The following WDR48 variants were observed in gnomAD, a reference collection of about 807,000 sequenced individuals.
The protein encoded by WDR48 is WD repeat domain 48.
In WDR48, 22 loss-of-function variants were observed where a neutral mutation model predicts 94.0. The observed-to-expected ratio is 0.23, with a 90% CI of 0.17 to 0.33. The LOEUF is 0.33. WDR48 is among the 10% of genes least tolerant of loss of function. WDR48 has a pLI of 1.00. For missense variants in WDR48, 541 were observed against 813.8 expected (o/e 0.66, Z 4.08); for synonymous variants, 278 against 280.5 (o/e 0.99, Z 0.09).
intron 1 of WDR48, among the ~76,000 whole-genome samples, chr3:39,056,328 T>C (rs1042526382): frequency 1.3e-5 from 2 of 152,218 alleles, no homozygotes; most frequent in Non-Finnish European, 2.9e-5. Flanking sequence ...AGGGATCAGT[T>C]TGAAAGTTCC....
chr3:39,069,680 T>C lies in WDR48; in HGVS notation c.608T>C (p.Leu203Pro). 6.2e-7 allele frequency: 1 copy of C among 1,613,802 alleles called. No individual in the cohort carries two copies. The highest frequency in any genetic ancestry group is 8.5e-7 in the Non-Finnish European group (1 of 1,179,786). Residue 203 changes from leucine to proline, a missense_variant, in exon 7 of 19, where the codon CTA (leucine) becomes CCA (proline). Physicochemically the swap from Leu to Pro is moderately conservative, Grantham distance 98. Transcript: ENST00000302313. ...TGGGATCCAAGAACATGTGCAAAAC[T>C]AATGAAGCTTAAAGGGCACACGGAT... ...RVWDPRTCAK[L>P]MKLKGHTDNV...
chr3:39,052,076 A>T lies in WDR48; in HGVS notation c.48+3A>T. 6.2e-7 allele frequency: 1 copy of T among 1,613,602 alleles called. No individual in the cohort carries two copies. Among genetic ancestry groups the T allele is most frequent in the Non-Finnish European group, 8.5e-7 (1 of 1,179,826 alleles). ...CAGCAGGGCGGAGGAAAGTGCAGGTATGGAAGCCCGGTTCCTCGGTCTTCC... is the reference window on the plus strand; with the variant it reads ...CAGCAGGGCGGAGGAAAGTGCAGGTTTGGAAGCCCGGTTCCTCGGTCTTCC... On this transcript the variant is annotated splice_donor_region_variant and intron_variant, in intron 1 of 18. Coordinates refer to ENST00000302313, the MANE Select transcript of WDR48 (RefSeq NM_020839.4).
At chr3:39,056,367 G>C (rs2032888565) in intron 1 of WDR48, among the ~76,000 whole-genome samples, 1 of 152,202 alleles carries the variant, frequency 6.6e-6, no homozygotes, top group Non-Finnish European at 1.5e-5. Context: ...GTTCAAGAAA[G>C]AGCAAAGAAA....
In WDR48 at chr3:39,095,130, CCACA is replaced by C. The variant is rs1279652715; in HGVS notation, c.*391_*394del. The stretch of plus-strand genomic sequence containing the variant: ...AACTGTCTCTGTTTCAACTTTAAGC[CCACA>C]CACTCTGTAGCTTTTCTAAAACAGT... On this transcript the variant is annotated 3_prime_UTR_variant, in exon 19 of 19. Transcript: ENST00000302313. 4.7e-6 allele frequency: 1 copy of C among 211,964 alleles called. No individual in the cohort carries two copies. The highest frequency in any genetic ancestry group is 2.3e-5 in the African/African-American group (1 of 43,646). The allele number at this position is 211,964 out of a possible 1,614,324, so 13.1% of individuals were successfully genotyped here.
chr3:39,067,283 T>G (rs956647676), intron 5 of WDR48, among the ~76,000 whole-genome samples: 3 of 152,148 alleles, frequency 2.0e-5, no homozygotes, highest in African/African-American at 7.2e-5. Flanking sequence ...CTTTTTAAAG[T>G]GTTAAGAGCT....
chr3:39,091,763 A>G (rs1339391404), intron 17 of WDR48, 62 bp downstream of exon 17: 1 of 1,352,154 alleles, frequency 7.4e-7, no homozygotes, highest in African/African-American at 1.5e-5. Context: ...TTTCCTTATG[A>G]TTGCTTTTAT....
Position 39,069,645 on chromosome 3 carries a change from G to A in WDR48, c.573G>A (p.Val191=), listed in dbSNP as rs1361385346. The A allele has an allele frequency of 1.9e-6, 3 of 1,611,508 alleles. No homozygotes were observed. Among genetic ancestry groups the A allele is most frequent in the Non-Finnish European group, 2.5e-6 (3 of 1,178,460 alleles). Residue 191 remains valine, a splice_region_variant and synonymous_variant, in exon 7 of 19, where the codon GTG becomes GTA. Transcript: ENST00000302313. ...TIIVSGSTEK[V]LRVWDPRTCA... is the part of the protein sequence containing the mutation. Reference sequence around the variant, plus strand: ...TAATACTCTATTAAAATTCACAGGTGTTACGGGTATGGGATCCAAGAACAT... The same window carrying A: ...TAATACTCTATTAAAATTCACAGGTATTACGGGTATGGGATCCAAGAACAT...
At position 39,095,208 on chromosome 3, in the gene WDR48, A is replaced by G. The variant is rs1167490519; in HGVS notation, c.*465A>G. The G allele has an allele frequency of 3.1e-5, 5 of 159,742 alleles. No individual in the cohort carries two copies. Among genetic ancestry groups the G allele is most frequent in the Non-Finnish European group, 6.9e-5 (5 of 72,542 alleles). The allele number at this position is 159,742 out of a possible 1,614,324, so 9.9% of individuals were successfully genotyped here. ...TGAAGGCTTTTTCCAAGTTTGTCAT[A>G]TAAAGTAATCAAATTGTTTTCACCG... On this transcript the variant is annotated 3_prime_UTR_variant, in exon 19 of 19. Coordinates refer to ENST00000302313, the MANE Select transcript of WDR48 (RefSeq NM_020839.4).
chr3:39,091,601 C>A, intron 16 of WDR48, 24 bp from the exon 17 acceptor site: 1 of 1,563,728 alleles, frequency 6.4e-7, no homozygotes, highest in South Asian at 1.2e-5. Context: ...AACTGTTATA[C>A]CTTTTTAACT....
chr3:39,057,765 G>GGT (rs879517876), intron 1 of WDR48, among the ~76,000 whole-genome samples: 14 of 152,108 alleles, frequency 9.2e-5, no homozygotes, highest in Admixed American at 9.2e-4. Context: ...TGGGACTACA[G>GGT]GTGCGCACCA....
At chr3:39,071,047 G>T (rs2033907623) in intron 7 of WDR48, among the ~76,000 whole-genome samples, 1 of 152,114 alleles carries the variant, frequency 6.6e-6, no homozygotes, top group African/African-American at 2.4e-5. Context: ...ATTCCATGGT[G>T]TATATGTGCC....
rs1306603249 is a variant in WDR48 at position 39,079,777 on chromosome 3, A to G, written c.1142A>G (p.Asn381Ser). ...AGACATATATTAACCAAAGATACCA[A>G]TAATAATGTGGCATATTGGGATGTA... is the stretch of plus-strand genomic sequence containing the variant. ...DKRHILTKDTNNNVAYWDVLK... is the reference protein window; with the variant it reads ...DKRHILTKDTSNNVAYWDVLK... The change falls in exon 11 of 19, where the codon AAT becomes AGT. Residue 381 changes from asparagine to serine, a missense_variant. Around this residue, in one of 5 missense-constraint regions of WDR48, gnomAD observed 238 missense variants for 285.3 expected, o/e 0.83. Coordinates refer to ENST00000302313, the MANE Select transcript of WDR48 (RefSeq NM_020839.4). The G allele has an allele frequency of 1.3e-6, 2 of 1,556,594 alleles. No individual in the cohort carries two copies. The highest frequency in any genetic ancestry group is 1.7e-6 in the Non-Finnish European group (2 of 1,158,758).
intron 2 of WDR48, among the ~76,000 whole-genome samples, chr3:39,063,900 G>C (rs114747079): frequency 6.6e-6 from 1 of 152,174 alleles, no homozygotes; most frequent in Non-Finnish European, 1.5e-5. Context: ...TGAGTGAGCC[G>C]TGATCACACC....
chr3:39,090,024 C>T (rs953123584), intron 16 of WDR48: 3 of 152,150 alleles, frequency 2.0e-5, no homozygotes, highest in African/African-American at 7.2e-5. Context: ...ATTGCTGGAT[C>T]CAAGGTTATG....
At chr3:39,090,657 G>A (rs920578811) in intron 16 of WDR48, 10 of 152,006 alleles carry the variant, frequency 6.6e-5, no homozygotes, top group Non-Finnish European at 1.2e-4. Context: ...TTGAAAATCT[G>A]TCCTTTTTCT....
chr3:39,069,985 T>C (rs2293311), intron 7 of WDR48, among the ~76,000 whole-genome samples: 15,022 of 152,268 alleles, frequency 0.099, 1,013 homozygotes, highest in East Asian at 0.22. Context: ...TATATGCATT[T>C]ATGGTGCATA....
chr3:39,076,067 G>A (rs1559613725), intron 8 of WDR48, among the ~76,000 whole-genome samples: 1 of 152,084 alleles, frequency 6.6e-6, no homozygotes, highest in Non-Finnish European at 1.5e-5. Flanking sequence ...CACCTAAAAG[G>A]AAAATGAGAA....
chr3:39,064,337 G>C (rs1221830902), intron 2 of WDR48, among the ~76,000 whole-genome samples: 2 of 150,424 alleles, frequency 1.3e-5, no homozygotes, highest in Admixed American at 6.6e-5. Flanking sequence ...GCAGTGGCGC[G>C]ATCTTGGCTC....
chr3:39,066,732 C>T lies in WDR48; in HGVS notation c.352-14C>T, dbSNP rs766955071. Reference sequence around the variant, plus strand: ...ATCTACAGAATAGATCATAGTATGTCTGTTCTATTACAGGATTACGTAAAG... The same window carrying T: ...ATCTACAGAATAGATCATAGTATGTTTGTTCTATTACAGGATTACGTAAAG... On this transcript the variant is annotated splice_polypyrimidine_tract_variant and intron_variant, in intron 4 of 18. Transcript: ENST00000302313. 1 of 1,613,830 alleles carries T rather than the reference C, an allele frequency of 6.2e-7. No homozygotes were observed. The highest frequency in any genetic ancestry group is 1.3e-5 in the African/African-American group (1 of 75,038).
Sources: allele counts gnomAD v4.1 joint callset (sites outside exome capture counted in the v4.1 genomes callset), GRCh38; gene constraint gnomAD v4.1.1; regional missense constraint gnomAD v4.1.1; transcripts MANE v1.5; gene names NCBI Gene and HGNC (gene_info 2026-07-23, HGNC 2026-07-21).